The following RBMS3 variants were observed in gnomAD, a reference collection of about 807,000 sequenced individuals.
RBMS3 encodes the protein RNA binding motif single stranded interacting protein 3.
In RBMS3, 27 loss-of-function variants were observed where a neutral mutation model predicts 66.8. That is an observed-to-expected ratio of 0.40 (90% confidence interval 0.30 to 0.56). The LOEUF (loss-of-function observed/expected upper bound fraction) is 0.56, where lower values mean the gene tolerates loss of function less well. RBMS3 is among the 20% of genes least tolerant of loss of function. The pLI, the probability that RBMS3 is intolerant of heterozygous loss-of-function variation, is 0.40. For synonymous variants in RBMS3, 188 were observed against 183.0 expected, an observed-to-expected ratio of 1.03 and a Z score of -0.22; for missense variants, 513 against 549.5, an observed-to-expected ratio of 0.93 and a Z score of 0.66.
At chr3:29,311,294 G>A (rs1376314169) in intron 1 of RBMS3, among the ~76,000 whole-genome samples, 2 of 151,752 alleles carry the variant, frequency 1.3e-5, no homozygotes, top group African/African-American at 2.4e-5. Flanking sequence ...TCTCTGAATT[G>A]AAATTGAGAT....
intron 4 of RBMS3, among the ~76,000 whole-genome samples, chr3:29,638,460 A>C (rs995306332): frequency 1.3e-5 from 2 of 151,778 alleles, no homozygotes; most frequent in African/African-American, 4.8e-5. Context: ...ATTTCATTTA[A>C]TCTCCCTGGA....
chr3:29,639,431 C>A (rs920885963), intron 4 of RBMS3, among the ~76,000 whole-genome samples: 12 of 151,738 alleles, frequency 7.9e-5, no homozygotes, highest in African/African-American at 2.7e-4. Context: ...TATCATTCTG[C>A]AAACTTTGGA....
chr3:29,415,624 C>T (rs149098165), intron 1 of RBMS3, among the ~76,000 whole-genome samples: 2 of 152,186 alleles, frequency 1.3e-5, no homozygotes, highest in South Asian at 2.1e-4. Flanking sequence ...ACAGGAAATA[C>T]AATTTGGAGA....
At chr3:29,936,701 A>C (rs1385398178) in intron 11 of RBMS3, among the ~76,000 whole-genome samples, 1 of 152,072 alleles carries the variant, frequency 6.6e-6, no homozygotes, top group Non-Finnish European at 1.5e-5. Context: ...TGATGTTGAA[A>C]AGAAGGAAGG....
chr3:30,008,677 T>C lies in RBMS3; in HGVS notation c.*4815T>C, dbSNP rs1699873154. The C allele has an allele frequency of 6.6e-6, 1 of 152,106 alleles. No individual in the cohort carries two copies. The highest frequency in any genetic ancestry group is 6.6e-5 in the Admixed American group (1 of 15,260). 9.4% of individuals were successfully genotyped at this position (152,106 alleles called of 1,614,324 possible). A position where few individuals can be genotyped will look rare whatever the true frequency, so the allele number is the denominator to read the frequency against. ...CTACCCTTCCTGTGGCAAGTGATAA[T>C]GGGATTTCATTAATGAATCAATTTG... On this transcript the variant is annotated 3_prime_UTR_variant, in exon 15 of 15. Coordinates refer to ENST00000383767, the MANE Select transcript of RBMS3 (RefSeq NM_001003793.3).
At chr3:29,718,580 A>G (rs980249826) in intron 4 of RBMS3, among the ~76,000 whole-genome samples, 5 of 152,056 alleles carry the variant, frequency 3.3e-5, no homozygotes, top group African/African-American at 7.2e-5. Flanking sequence ...TTCAACTTCC[A>G]TACTCCATTG....
intron 2 of RBMS3, among the ~76,000 whole-genome samples, chr3:29,476,269 AC>A (rs1415027861): frequency 6.6e-6 from 1 of 152,158 alleles, no homozygotes; most frequent in Non-Finnish European, 1.5e-5. Context: ...ATTGTGCATG[AC>A]CCCATGAACT....
At chr3:29,946,515 T>C (rs564460978) in intron 12 of RBMS3, among the ~76,000 whole-genome samples, 1 of 151,750 alleles carries the variant, frequency 6.6e-6, no homozygotes, top group South Asian at 2.1e-4. Context: ...GAGCAGAAAA[T>C]AGACCCCTGA....
At chr3:29,881,521 C>G (rs955242272) in intron 7 of RBMS3, among the ~76,000 whole-genome samples, 1 of 152,128 alleles carries the variant, frequency 6.6e-6, no homozygotes, top group Admixed American at 6.6e-5. Context: ...AGTAACAGAG[C>G]TAGAACTTGA....
chr3:29,359,943 C>T (rs946387396), intron 1 of RBMS3, among the ~76,000 whole-genome samples: 14 of 152,130 alleles, frequency 9.2e-5, no homozygotes, highest in African/African-American at 2.9e-4. Context: ...CTCTTTTCTT[C>T]TTTATTAGTC....
intron 1 of RBMS3, among the ~76,000 whole-genome samples, chr3:29,312,574 C>A (rs944019331): frequency 1.3e-5 from 2 of 151,658 alleles, no homozygotes; most frequent in Admixed American, 6.6e-5. Context: ...ACTCTCTCTT[C>A]TTTTTGCATT....
chr3:29,397,639 C>A (rs1330789772), intron 1 of RBMS3, among the ~76,000 whole-genome samples: 1 of 152,118 alleles, frequency 6.6e-6, no homozygotes, highest in Non-Finnish European at 1.5e-5. Context: ...TCCTTCTTCT[C>A]CCATCCTTTC....
In RBMS3 at chr3:29,899,728, T is replaced by C. The variant is rs2060208572; in HGVS notation, c.912T>C (p.Pro304=). Residue 304 remains proline, a synonymous_variant, in exon 10 of 15, where the codon CCT becomes CCC. Coordinates refer to ENST00000383767, the MANE Select transcript of RBMS3 (RefSeq NM_001003793.3). The part of the protein sequence containing the change: ...TYQVQSTSWM[P]HPPYVMQPTG... ...AGGTCCAGAGTACTTCATGGATGCC[T>C]CATCCGCCATACGTTATGCAACCAA... 6.2e-7 allele frequency: 1 copy of C among 1,610,110 alleles called. No homozygotes were observed. The highest frequency in any genetic ancestry group is 8.5e-7 in the Non-Finnish European group (1 of 1,177,968).
At chr3:29,898,740 T>TGTGG (rs1305539018) in intron 9 of RBMS3, among the ~76,000 whole-genome samples, 2 of 145,068 alleles carry the variant, frequency 1.4e-5, no homozygotes, top group African/African-American at 5.3e-5. Context: ...AATGTGCGTG[T>TGTGG]GTGTGTGTGT....
At chr3:29,621,516 G>T (rs940100895) in intron 4 of RBMS3, among the ~76,000 whole-genome samples, 1 of 152,134 alleles carries the variant, frequency 6.6e-6, no homozygotes, top group Admixed American at 6.6e-5. Flanking sequence ...GTAAAAGATG[G>T]TTGTTATATC....
In RBMS3 at chr3:30,009,390, C is replaced by A. The variant is rs561923279; in HGVS notation, c.*5528C>A. The A allele has an allele frequency of 1.3e-5, 2 of 152,120 alleles. No individual in the cohort carries two copies. The highest frequency in any genetic ancestry group is 4.2e-4 in the South Asian group (2 of 4,808). The allele number at this position is 152,120 out of a possible 1,614,324, so 9.4% of individuals were successfully genotyped here. On this transcript the variant is annotated 3_prime_UTR_variant, in exon 15 of 15. Coordinates refer to ENST00000383767, the MANE Select transcript of RBMS3 (RefSeq NM_001003793.3). ...TTAATTTCTTAAGGGGGTTTGAAAT[C>A]ATTGGTAAAATTAATATCAGTACAT...
chr3:29,754,642 T>C (rs1432028336), intron 5 of RBMS3, among the ~76,000 whole-genome samples: 1 of 152,088 alleles, frequency 6.6e-6, no homozygotes, highest in Non-Finnish European at 1.5e-5. Flanking sequence ...ATAACATAAG[T>C]ACAGAGATTA....
chr3:29,717,013 G>A (rs1017234399), intron 4 of RBMS3, among the ~76,000 whole-genome samples: 1 of 151,988 alleles, frequency 6.6e-6, no homozygotes, highest in South Asian at 2.1e-4. Context: ...AGTAGCACAA[G>A]CTACATTATT....
chr3:29,760,485 T>C (rs947196823), intron 5 of RBMS3, among the ~76,000 whole-genome samples: 2 of 152,074 alleles, frequency 1.3e-5, no homozygotes, highest in African/African-American at 4.8e-5. Context: ...TCTCCTGGAA[T>C]AAAAATTCCA....
Sources: gnomAD v4.1 joint callset for allele counts (sites outside exome capture counted in the v4.1 genomes callset) on GRCh38, gnomAD v4.1.1 for gene constraint, MANE v1.5 for transcripts, NCBI Gene and HGNC (gene_info 2026-07-23, HGNC 2026-07-21) for gene names.